Variants in EPB41L4A observed in about 807,000 individuals in gnomAD.
The protein encoded by EPB41L4A is band 4.1-like protein 4A.
A neutral mutation model predicts 108.6 loss-of-function variants in EPB41L4A; 100 were observed. The observed-to-expected ratio is 0.92, with a 90% CI of 0.78 to 1.09. The LOEUF is 1.09. Ranked by LOEUF, EPB41L4A falls within the 50% of genes least tolerant of loss-of-function variation. EPB41L4A has a pLI of 0.00. For missense variants in EPB41L4A, 1,030 were observed against 842.7 expected, an observed-to-expected ratio of 1.22 and a Z score of -2.75; for synonymous variants, 319 against 289.0, an observed-to-expected ratio of 1.10 and a Z score of -1.05.
intron 3 of EPB41L4A, among the ~76,000 whole-genome samples, chr5:112,276,491 C>A (rs1422538548): frequency 6.6e-6 from 1 of 152,138 alleles, no homozygotes; most frequent in East Asian, 1.9e-4. Flanking sequence ...AGATCTAATA[C>A]ACTTTGTTTT....
chr5:112,330,652 C>T (rs373587820), intron 1 of EPB41L4A, among the ~76,000 whole-genome samples: 5 of 151,874 alleles, frequency 3.3e-5, no homozygotes, highest in South Asian at 4.2e-4. Flanking sequence ...AAGCAGAAGA[C>T]GCAGAATTTG....
intron 12 of EPB41L4A, among the ~76,000 whole-genome samples, chr5:112,148,754 A>G (rs1759358706): frequency 6.6e-6 from 1 of 152,158 alleles, no homozygotes; most frequent in Non-Finnish European, 1.5e-5. Context: ...CTACATAGAC[A>G]TTATTTTGCT....
At chr5:112,361,608 G>A (rs560029666) in intron 1 of EPB41L4A, among the ~76,000 whole-genome samples, 1 of 149,964 alleles carries the variant, frequency 6.7e-6, no homozygotes, top group African/African-American at 2.4e-5. Context: ...ATCTGTACTG[G>A]TCTTTAACTT....
chr5:112,281,745 T>C (rs1319418169), intron 2 of EPB41L4A, among the ~76,000 whole-genome samples: 6 of 152,246 alleles, frequency 3.9e-5, no homozygotes, highest in Non-Finnish European at 7.3e-5. Context: ...GCAATAATTA[T>C]AAATGGCAAT....
At chr5:112,368,142 TTATTA>T (rs1759254164) in intron 1 of EPB41L4A, among the ~76,000 whole-genome samples, 1 of 152,212 alleles carries the variant, frequency 6.6e-6, no homozygotes, top group African/African-American at 2.4e-5. Flanking sequence ...TTTAAGTCTT[TTATTA>T]TATTATTACT....
intron 17 of EPB41L4A, chr5:112,192,282 C>A (rs1488137727): frequency 6.6e-6 from 1 of 152,188 alleles, no homozygotes; most frequent in Non-Finnish European, 1.5e-5. Flanking sequence ...TGTACAGTTA[C>A]CTGTTGCGCC....
At chr5:112,180,027 AAAC>A (rs1285678791) in intron 18 of EPB41L4A, among the ~76,000 whole-genome samples, 5 of 152,172 alleles carry the variant, frequency 3.3e-5, no homozygotes, top group Non-Finnish European at 5.9e-5. Flanking sequence ...ATATACTAAA[AAAC>A]AACTGAAAAA....
intron 1 of EPB41L4A, among the ~76,000 whole-genome samples, chr5:112,357,759 G>C (rs1054620637): frequency 2.6e-5 from 4 of 152,146 alleles, no homozygotes; most frequent in Admixed American, 1.3e-4. Context: ...GGATGGTTAA[G>C]GACTTGGAAG....
At chr5:112,244,482 T>C (rs1395328449) in intron 9 of EPB41L4A, among the ~76,000 whole-genome samples, 2 of 152,048 alleles carry the variant, frequency 1.3e-5, no homozygotes, top group Non-Finnish European at 2.9e-5. Context: ...GGCAGCTCCC[T>C]GAGAAAGAGA....
At chr5:112,219,315 C>T (rs555727293) in intron 12 of EPB41L4A, among the ~76,000 whole-genome samples, 1 of 152,078 alleles carries the variant, frequency 6.6e-6, no homozygotes, top group Non-Finnish European at 1.5e-5. Context: ...GTTTTATAAG[C>T]GTCTGGCATT....
intron 1 of EPB41L4A, among the ~76,000 whole-genome samples, chr5:112,337,420 T>C (rs1013323810): frequency 6.6e-6 from 1 of 152,198 alleles, no homozygotes; most frequent in Admixed American, 6.5e-5. Context: ...GTAATGCTAC[T>C]AATAATTGCT....
intron 1 of EPB41L4A, among the ~76,000 whole-genome samples, chr5:112,347,003 G>A (rs1317467017): frequency 2.0e-5 from 3 of 152,136 alleles, no homozygotes; most frequent in African/African-American, 7.2e-5. Context: ...ACAGCCAGCT[G>A]TATATCTGAC....
At chr5:112,161,368 G>T (rs1313873633), downstream of EPB41L4A, 1 of 413,440 alleles carries the variant, frequency 2.4e-6, no homozygotes, top group African/African-American at 2.1e-5. Flanking sequence ...TTATTAAGTC[G>T]GATTTTAAAT....
intron 1 of EPB41L4A, among the ~76,000 whole-genome samples, chr5:112,315,166 C>A (rs932045486): frequency 6.6e-6 from 1 of 152,158 alleles, no homozygotes; most frequent in Non-Finnish European, 1.5e-5. Flanking sequence ...TAAAATGCCA[C>A]CTTCTTCATA....
chr5:112,259,143 A>C (rs1337466707), intron 9 of EPB41L4A, 86 bp downstream of exon 9: 3 of 1,069,904 alleles, frequency 2.8e-6, no homozygotes, highest in African/African-American at 3.2e-5. Context: ...AGCTGAAGAA[A>C]ACATTTCTTC....
At position 112,249,453 on chromosome 5, in the gene EPB41L4A, G is replaced by GT. The variant is rs922994380; in HGVS notation, c.796-8644dup. 59 of 152,288 alleles carry GT rather than the reference G, an allele frequency of 3.9e-4. 2 individuals carry two copies. The highest frequency in any genetic ancestry group is 1.3e-3 in the African/African-American group (56 of 41,572). 9.4% of individuals were successfully genotyped at this position (152,288 alleles called of 1,614,324 possible). ...GATACCAAAGAAAGCTTACAAAATTGTAAGTCTTTTGAAAAATTTTATCTT... is the reference window on the plus strand; with the variant it reads ...GATACCAAAGAAAGCTTACAAAATTGTTAAGTCTTTTGAAAAATTTTATCTT... On this transcript the variant is annotated intron_variant, in intron 9 of 22. Coordinates refer to ENST00000261486, the MANE Select transcript of EPB41L4A (RefSeq NM_022140.5).
At position 112,194,592 on chromosome 5, in the gene EPB41L4A, C is replaced by T. The variant is rs767948485; in HGVS notation, c.1478G>A (p.Arg493Lys). 1.2e-6 allele frequency: 2 copies of T among 1,602,874 alleles called. No homozygotes were observed. Among genetic ancestry groups the T allele is most frequent in the African/African-American group, 2.7e-5 (2 of 74,548 alleles). ...CCTGTTTCTCTTTTTCCGGTATTCTCTATTAGAATTTTCTGATTCACTACC... is the reference window on the plus strand; with the variant it reads ...CCTGTTTCTCTTTTTCCGGTATTCTTTATTAGAATTTTCTGATTCACTACC... The part of the protein sequence containing the change: ...SSGSESENSN[R>K]EYRKKRNRIR... Residue 493 changes from arginine (R) to lysine (K), a missense_variant, in exon 17 of 23, where the codon AGA (arginine) becomes AAA (lysine). Coordinates refer to ENST00000261486, the MANE Select transcript of EPB41L4A (RefSeq NM_022140.5).
At position 112,260,091 on chromosome 5, in the gene EPB41L4A, G is replaced by A. The variant is rs1751393731; in HGVS notation, c.643-112C>T. Reference sequence around the variant, plus strand: ...TACATTAATATTGGATTTAATTTTTGAAAGACATCAGCCTAGAAAGCTAGA... The same window carrying A: ...TACATTAATATTGGATTTAATTTTTAAAAGACATCAGCCTAGAAAGCTAGA... On this transcript the variant is annotated intron_variant, in intron 7 of 22. Coordinates refer to ENST00000261486, the MANE Select transcript of EPB41L4A (RefSeq NM_022140.5). 4 of 787,590 alleles carry A rather than the reference G, an allele frequency of 5.1e-6. No individual in the cohort carries two copies. The South Asian group carries it at 6.9e-5, about 14-fold the overall frequency. The allele number at this position is 787,590 out of a possible 1,614,324, so 48.8% of individuals were successfully genotyped here.
intron 1 of EPB41L4A, among the ~76,000 whole-genome samples, chr5:112,349,215 T>G (rs577458694): frequency 4.3e-4 from 66 of 152,144 alleles, no homozygotes; most frequent in Non-Finnish European, 6.9e-4. Flanking sequence ...AAAGGGGGAA[T>G]AAGGACATCA....
Sources: gnomAD v4.1 joint callset for allele counts (sites outside exome capture counted in the v4.1 genomes callset) on GRCh38, gnomAD v4.1.1 for gene constraint, MANE v1.5 for transcripts, NCBI Gene and HGNC (gene_info 2026-07-23, HGNC 2026-07-21) for gene names.